ARIH2: variants seen among roughly 807,000 people sequenced by gnomAD.
The protein encoded by ARIH2 is ariadne RBR E3 ubiquitin protein ligase 2, also known as E3 ubiquitin-protein ligase ARIH2.
Under a neutral mutation model 79.8 loss-of-function variants are expected in ARIH2, and 12 were observed. That is an observed-to-expected ratio of 0.15 (90% CI 0.10 to 0.24). The LOEUF is 0.24. ARIH2 is among the 10% of genes least tolerant of loss of function. The pLI is 1.00. For synonymous variants in ARIH2, 224 were observed against 213.9 expected (o/e 1.05, Z -0.41); for missense variants, 301 against 618.3 (o/e 0.49, Z 5.44).
chr3:48,939,307 T>TG (rs2087676470), intron 3 of ARIH2, among the ~76,000 whole-genome samples: 2 of 152,074 alleles, frequency 1.3e-5, no homozygotes, highest in South Asian at 4.2e-4. Context: ...AATAGGACCC[T>TG]TAGAGTGTGA....
chr3:48,930,872 T>C (rs1229509649), intron 3 of ARIH2, among the ~76,000 whole-genome samples: 1 of 152,142 alleles, frequency 6.6e-6, no homozygotes, highest in Non-Finnish European at 1.5e-5. Flanking sequence ...AAATGTTGTG[T>C]GTATGTAATT....
chr3:48,961,219 G>A (rs1279001377), intron 3 of ARIH2, among the ~76,000 whole-genome samples: 1 of 152,158 alleles, frequency 6.6e-6, no homozygotes, highest in African/African-American at 2.4e-5. Flanking sequence ...CAAGTAACAG[G>A]CCTAACTAGA....
intron 3 of ARIH2, among the ~76,000 whole-genome samples, chr3:48,951,895 A>C (rs1260621511): frequency 4.0e-5 from 6 of 151,744 alleles, no homozygotes; most frequent in African/African-American, 1.5e-4. Flanking sequence ...TGTTACTTGG[A>C]TTTTATTTCT....
intron 2 of ARIH2, chr3:48,925,354 C>T (rs2085422134): frequency 6.6e-6 from 1 of 151,940 alleles, no homozygotes; most frequent in Non-Finnish European, 1.5e-5. Context: ...ACCTCGTGAT[C>T]CACCTGCCTC....
At chr3:48,956,883 T>C (rs1576380207) in intron 3 of ARIH2, among the ~76,000 whole-genome samples, 2 of 152,030 alleles carry the variant, frequency 1.3e-5, no homozygotes, top group Non-Finnish European at 2.9e-5. Flanking sequence ...ATTCTTGTAT[T>C]TTTATTAGAG....
Position 48,984,852 on chromosome 3 carries a change from A to G in ARIH2, c.*1582A>G, listed in dbSNP as rs1324733054. The G allele has an allele frequency of 6.6e-6, 1 of 152,232 alleles. No homozygotes were observed. The highest frequency in any genetic ancestry group is 1.9e-4 in the East Asian group (1 of 5,202). The allele number at this position is 152,232 out of a possible 1,614,324, so 9.4% of individuals were successfully genotyped here. On this transcript the variant is annotated 3_prime_UTR_variant, in exon 16 of 16. Transcript: ENST00000356401. Reference sequence around the variant, plus strand: ...TAAAGACAGAGGATAGCTGTGACTCATGGGATCATGAGGTCCATGGCTGGT... The same window carrying G: ...TAAAGACAGAGGATAGCTGTGACTCGTGGGATCATGAGGTCCATGGCTGGT...
At chr3:48,947,459 G>T (rs1225062413) in intron 3 of ARIH2, among the ~76,000 whole-genome samples, 1 of 144,106 alleles carries the variant, frequency 6.9e-6, no homozygotes, top group Non-Finnish European at 1.5e-5. Context: ...AAAAAAAAAG[G>T]AAAAAAAAAG....
intron 9 of ARIH2, among the ~76,000 whole-genome samples, chr3:48,974,337 A>G (rs1460419372): frequency 6.6e-6 from 1 of 152,170 alleles, no homozygotes; most frequent in East Asian, 1.9e-4. Context: ...GCAGTGGGAG[A>G]TCACAGCATC....
In ARIH2 at chr3:48,969,939, G is replaced by A. The variant is rs1045533368; in HGVS notation, c.661-656G>A. The stretch of plus-strand genomic sequence containing the variant: ...GGAGTCTCACTCTGTCACCGAGGCC[G>A]GAGTACAGGGACACGATCTCAGCTC... On this transcript the variant is annotated intron_variant, in intron 7 of 15. Coordinates refer to ENST00000356401, the MANE Select transcript of ARIH2 (RefSeq NM_006321.4). 3.8e-4 allele frequency among the ~76,000 whole-genome samples: 56 copies of A among 149,146 alleles called. 1 individual carries two copies. The highest frequency in any genetic ancestry group is 1.3e-3 in the African/African-American group (53 of 40,172).
chr3:48,984,157 TTTGC>T lies in ARIH2; in HGVS notation c.*890_*893del, dbSNP rs1352987879. 6.6e-6 allele frequency: 1 copy of T among 152,652 alleles called. No individual in the cohort carries two copies. The highest frequency in any genetic ancestry group is 1.9e-4 in the East Asian group (1 of 5,198). The allele number at this position is 152,652 out of a possible 1,614,324, so 9.5% of individuals were successfully genotyped here. ...AAGGGAATTGTTCCTCCCAAATAAA[TTTGC>T]TTTACCTTGGTCCTTTCTTTTGTGC... On this transcript the variant is annotated 3_prime_UTR_variant, in exon 16 of 16. Transcript: ENST00000356401.
chr3:48,959,675 A>AAG (rs2091042437), intron 3 of ARIH2, among the ~76,000 whole-genome samples: 1 of 148,210 alleles, frequency 6.7e-6, no homozygotes, highest in Admixed American at 6.7e-5. Flanking sequence ...AAAAAAAAAA[A>AAG]GAAAAGAAAA....
chr3:48,979,658 C>G (rs1250476564), intron 12 of ARIH2, 25 bp downstream of exon 12: 1 of 1,611,966 alleles, frequency 6.2e-7, no homozygotes, highest in Non-Finnish European at 8.5e-7. Flanking sequence ...CTGTACCTTC[C>G]CCTACAGGGT....
At chr3:48,959,727 A>G (rs1424466407) in intron 3 of ARIH2, among the ~76,000 whole-genome samples, 3 of 151,494 alleles carry the variant, frequency 2.0e-5, no homozygotes, top group African/African-American at 7.3e-5. Flanking sequence ...CTTACCTTGG[A>G]AGGAAAATAG....
chr3:48,958,456 A>G (rs1403728108), intron 3 of ARIH2, among the ~76,000 whole-genome samples: 1 of 152,192 alleles, frequency 6.6e-6, no homozygotes, highest in Non-Finnish European at 1.5e-5. Flanking sequence ...TCACGCCTGT[A>G]ATCCCAGCAC....
At chr3:48,940,789 C>T (rs1475532640) in intron 3 of ARIH2, among the ~76,000 whole-genome samples, 2 of 76,252 alleles carry the variant, frequency 2.6e-5, no homozygotes, top group East Asian at 4.0e-4. Context: ...AGGGAGACTC[C>T]GTCTCAAAAA....
intron 3 of ARIH2, among the ~76,000 whole-genome samples, chr3:48,931,977 C>G (rs1412158350): frequency 6.6e-6 from 1 of 152,158 alleles, no homozygotes; most frequent in Non-Finnish European, 1.5e-5. Flanking sequence ...TCACTGTACT[C>G]CAGCCTGGGT....
At chr3:48,971,332 C>G (rs985201715) in intron 8 of ARIH2, among the ~76,000 whole-genome samples, 1 of 152,180 alleles carries the variant, frequency 6.6e-6, no homozygotes, top group African/African-American at 2.4e-5. Flanking sequence ...ACAACCTCCG[C>G]CTTCCAGGTT....
chr3:48,967,366 C>A, intron 6 of ARIH2, 91 bp downstream of exon 6: 1 of 1,395,102 alleles, frequency 7.2e-7, no homozygotes, highest in Non-Finnish European at 9.8e-7. Context: ...TGAGTATTTT[C>A]TTCTGAGCCT....
chr3:48,963,727 TC>T lies in ARIH2; in HGVS notation c.324-1190del, dbSNP rs761894255. On this transcript the variant is annotated intron_variant, in intron 4 of 15. Transcript: ENST00000356401. ...ACGCTCAGCAGTGGTATATAGGTGTTCCTGATATTGTAAGACTTAAAGTTTT... is the reference window on the plus strand; with the variant it reads ...ACGCTCAGCAGTGGTATATAGGTGTTCTGATATTGTAAGACTTAAAGTTTT... Among the ~76,000 whole-genome samples, 109 of 152,342 alleles carry T rather than the reference TC, an allele frequency of 7.2e-4. 1 individual carries two copies. Among genetic ancestry groups the T allele is most frequent in the Non-Finnish European group, 1.1e-3 (72 of 68,038 alleles).
Sources: allele counts gnomAD v4.1 joint callset (sites outside exome capture counted in the v4.1 genomes callset), GRCh38; gene constraint gnomAD v4.1.1; transcripts MANE v1.5; gene names NCBI Gene and HGNC (gene_info 2026-07-23, HGNC 2026-07-21).